The following CDH12 variants were observed in gnomAD, a reference collection of about 807,000 sequenced individuals.
The protein encoded by CDH12 is cadherin 12, also known as cadherin-12.
In CDH12, 41 loss-of-function variants were observed where a neutral mutation model predicts 74.1. The observed-to-expected ratio is 0.55, with a 90% CI of 0.43 to 0.72. The LOEUF is 0.72. Among genes scored for constraint, CDH12 ranks in the 30% least tolerant of loss-of-function variants. The probability of loss-of-function intolerance (pLI) is 0.00; values close to 1 mark genes in which losing one functional copy is unlikely to be tolerated. For synonymous variants in CDH12, 399 were observed against 355.0 expected, an observed-to-expected ratio of 1.12 and a Z score of -1.39; for missense variants, 945 against 977.2, an observed-to-expected ratio of 0.97 and a Z score of 0.44.
At chr5:22,281,383 G>T (rs1452837836) in intron 3 of CDH12, among the ~76,000 whole-genome samples, 1 of 151,988 alleles carries the variant, frequency 6.6e-6, no homozygotes, top group African/African-American at 2.4e-5. Context: ...AGGGCAATCA[G>T]GCAAGATAAA....
chr5:22,533,924 C>T (rs1183931169), intron 1 of CDH12, among the ~76,000 whole-genome samples: 2 of 152,094 alleles, frequency 1.3e-5, no homozygotes, highest in African/African-American at 2.4e-5. Flanking sequence ...AAGTTCTAGT[C>T]CTTGCATTTA....
At chr5:22,702,192 T>G (rs1422392632) in intron 1 of CDH12, among the ~76,000 whole-genome samples, 1 of 152,130 alleles carries the variant, frequency 6.6e-6, no homozygotes, top group Non-Finnish European at 1.5e-5. Flanking sequence ...CATTGTGTAT[T>G]GAATATTATT....
chr5:21,785,790 C>A (rs1193512508), intron 10 of CDH12, among the ~76,000 whole-genome samples: 3 of 152,122 alleles, frequency 2.0e-5, no homozygotes, highest in African/African-American at 4.8e-5. Flanking sequence ...CAAGGTAAAG[C>A]AGGAAGTACT....
At chr5:21,926,534 C>A (rs1362987619) in intron 6 of CDH12, among the ~76,000 whole-genome samples, 1 of 152,150 alleles carries the variant, frequency 6.6e-6, no homozygotes, top group Non-Finnish European at 1.5e-5. Flanking sequence ...TCACTGGTAC[C>A]TATGAATGTG....
At chr5:22,140,520 ATGTG>A (rs369858575) in intron 4 of CDH12, among the ~76,000 whole-genome samples, 41 of 150,986 alleles carry the variant, frequency 2.7e-4, no homozygotes, top group African/African-American at 9.2e-4. Flanking sequence ...GCCTCTGTGC[ATGTG>A]TGTGTGTGTG....
intron 5 of CDH12, among the ~76,000 whole-genome samples, chr5:22,031,635 C>A (rs1245113818): frequency 1.3e-5 from 2 of 152,152 alleles, no homozygotes; most frequent in Non-Finnish European, 2.9e-5. Flanking sequence ...GAAACTCTTT[C>A]TTTTACTTGA....
chr5:22,129,483 G>A (rs975372562), intron 4 of CDH12, among the ~76,000 whole-genome samples: 15 of 151,864 alleles, frequency 9.9e-5, no homozygotes, highest in African/African-American at 2.7e-4. Flanking sequence ...CAAGCTCTGG[G>A]CAAAATGATC....
At chr5:21,877,623 G>A (rs184922728) in intron 6 of CDH12, among the ~76,000 whole-genome samples, 3 of 152,234 alleles carry the variant, frequency 2.0e-5, no homozygotes, top group East Asian at 1.9e-4. Flanking sequence ...TTACAATATC[G>A]ATATCCCATC....
intron 2 of CDH12, among the ~76,000 whole-genome samples, chr5:22,462,496 T>G (rs2126588138): frequency 6.6e-6 from 1 of 152,254 alleles, no homozygotes; most frequent in South Asian, 2.1e-4. Context: ...ACTCAGGTAG[T>G]CGGATCAAAC....
At chr5:22,067,435 A>G (rs754356129) in intron 5 of CDH12, among the ~76,000 whole-genome samples, 2 of 152,184 alleles carry the variant, frequency 1.3e-5, no homozygotes, top group Non-Finnish European at 2.9e-5. Context: ...TTTTGGAGGT[A>G]AAGTAATTTG....
chr5:22,357,938 C>A (rs1264354228), intron 3 of CDH12, among the ~76,000 whole-genome samples: 1 of 152,042 alleles, frequency 6.6e-6, no homozygotes, highest in Non-Finnish European at 1.5e-5. Flanking sequence ...AATTCATGAG[C>A]ATTTCTGTTT....
chr5:22,252,361 T>C (rs1309494315), intron 3 of CDH12, among the ~76,000 whole-genome samples: 1 of 151,750 alleles, frequency 6.6e-6, no homozygotes, highest in Non-Finnish European at 1.5e-5. Flanking sequence ...TGTGACATCA[T>C]TATGGATGCC....
intron 1 of CDH12, among the ~76,000 whole-genome samples, chr5:22,806,236 T>G (rs146802170): frequency 0.049 from 7,407 of 152,196 alleles, 311 homozygotes; most frequent in East Asian, 0.17. Flanking sequence ...ATCGCCACAC[T>G]GTCTTCCACA....
intron 4 of CDH12, among the ~76,000 whole-genome samples, chr5:22,211,976 A>C (rs1393108601): frequency 6.6e-6 from 1 of 151,900 alleles, no homozygotes; most frequent in Non-Finnish European, 1.5e-5. Flanking sequence ...CAGAAACTAT[A>C]ACATTTAAGT....
chr5:22,641,687 C>T (rs1739160286), intron 1 of CDH12, among the ~76,000 whole-genome samples: 1 of 152,112 alleles, frequency 6.6e-6, no homozygotes, highest in Admixed American at 6.5e-5. Context: ...TGCTAGGGTG[C>T]TCTGCTCACT....
rs11323330 is a variant in CDH12 at position 22,046,430 on chromosome 5, C to CTTTTTTTTTTTTTTTTTTTTT, written c.231+31995_231+32015dup. 4.0e-5 allele frequency among the ~76,000 whole-genome samples: 4 copies of CTTTTTTTTTTTTTTTTTTTTT among 100,370 alleles called. 1 individual carries two copies. Among genetic ancestry groups the CTTTTTTTTTTTTTTTTTTTTT allele is most frequent in the African/African-American group, 1.7e-4 (4 of 23,406 alleles). 65.8% of individuals were successfully genotyped at this position (100,370 alleles called of 152,430 possible). ...GAGAAAGTCACTGGTCATTTAATTTCTTTTTTTTTTTTTTTTTTTTTTGAG... is the reference window on the plus strand; with the variant it reads ...GAGAAAGTCACTGGTCATTTAATTTCTTTTTTTTTTTTTTTTTTTTTTTTTTTTTTTTTTTTTTTTTTTGAG... On this transcript the variant is annotated intron_variant, in intron 5 of 14. Transcript: ENST00000382254.
At chr5:22,097,470 T>C (rs750129319) in intron 4 of CDH12, among the ~76,000 whole-genome samples, 1 of 152,156 alleles carries the variant, frequency 6.6e-6, no homozygotes, top group Non-Finnish European at 1.5e-5. Context: ...CTTGCCTCCA[T>C]AAATGTGGTA....
chr5:22,150,557 A>G lies in CDH12; in HGVS notation c.-187+61941T>C, dbSNP rs187824907. On this transcript the variant is annotated intron_variant, in intron 4 of 14. Coordinates refer to ENST00000382254, the MANE Select transcript of CDH12 (RefSeq NM_004061.5). ...ACACACACATATATATATATGAAAC[A>G]TAAGAATTTATGTATAGCTATGCTG... 3.2e-3 allele frequency among the ~76,000 whole-genome samples: 491 copies of G among 152,204 alleles called. 2 individuals carry two copies. The highest frequency in any genetic ancestry group is 0.011 in the African/African-American group (457 of 41,540).
At chr5:22,523,257 T>C (rs1271447560) in intron 1 of CDH12, among the ~76,000 whole-genome samples, 1 of 152,178 alleles carries the variant, frequency 6.6e-6, no homozygotes, top group Non-Finnish European at 1.5e-5. Context: ...CTCCCTTCCA[T>C]GGTAATCTCA....
Sources: allele counts gnomAD v4.1 joint callset (sites outside exome capture counted in the v4.1 genomes callset), GRCh38; gene constraint gnomAD v4.1.1; transcripts MANE v1.5; gene names NCBI Gene and HGNC (gene_info 2026-07-23, HGNC 2026-07-21).